The following ASIC2 variants were observed in gnomAD, a reference collection of about 807,000 sequenced individuals.
ASIC2 encodes acid sensing ion channel subunit 2.
Under a neutral mutation model 57.3 loss-of-function variants are expected in ASIC2, and 25 were observed. That is an observed-to-expected ratio of 0.44 (90% CI 0.32 to 0.61). ASIC2 has a LOEUF of 0.61. Ranked by LOEUF, ASIC2 falls within the 20% of genes least tolerant of loss-of-function variation. ASIC2 has a pLI of 0.06. For missense variants in ASIC2, 641 were observed against 738.1 expected, an observed-to-expected ratio of 0.87 and a Z score of 1.52; for synonymous variants, 319 against 307.5, an observed-to-expected ratio of 1.04 and a Z score of -0.39.
intron 1 of ASIC2, among the ~76,000 whole-genome samples, chr17:33,510,544 A>G (rs902812380): frequency 1.3e-5 from 2 of 152,016 alleles, no homozygotes; most frequent in African/African-American, 4.8e-5. Flanking sequence ...GGGTGGGAGG[A>G]TTGCCTGAGC....
intron 1 of ASIC2, among the ~76,000 whole-genome samples, chr17:34,102,510 C>A (rs887363877): frequency 4.6e-5 from 7 of 152,096 alleles, no homozygotes; most frequent in Non-Finnish European, 1.0e-4. Context: ...ATCATTTTGG[C>A]CTTCTCACCT....
intron 1 of ASIC2, among the ~76,000 whole-genome samples, chr17:33,661,951 C>T (rs1907281520): frequency 6.6e-6 from 1 of 152,194 alleles, no homozygotes; most frequent in Non-Finnish European, 1.5e-5. Flanking sequence ...CTCTGTCCCC[C>T]TCTACTCATC....
At chr17:33,102,706 A>T (rs578148120) in intron 2 of ASIC2, among the ~76,000 whole-genome samples, 2 of 151,786 alleles carry the variant, frequency 1.3e-5, no homozygotes, top group East Asian at 3.9e-4. Flanking sequence ...TTTTCGGGAG[A>T]TGTTCTCAGT....
chr17:34,090,288 T>C (rs998320743), intron 1 of ASIC2, among the ~76,000 whole-genome samples: 2 of 152,106 alleles, frequency 1.3e-5, no homozygotes, highest in Admixed American at 6.5e-5. Context: ...CAAATGCCTG[T>C]AGGAGAGAAC....
At chr17:33,044,874 C>T (rs941516786) in intron 3 of ASIC2, among the ~76,000 whole-genome samples, 1 of 152,004 alleles carries the variant, frequency 6.6e-6, no homozygotes, top group Admixed American at 6.6e-5. Flanking sequence ...GGGTGCCATC[C>T]GGAAAAGACT....
chr17:33,520,185 T>C (rs1306983786), intron 1 of ASIC2, among the ~76,000 whole-genome samples: 1 of 152,160 alleles, frequency 6.6e-6, no homozygotes, highest in East Asian at 1.9e-4. Flanking sequence ...AAATGCATTG[T>C]AGTCACAGGG....
At chr17:33,569,007 C>T (rs1373878539) in intron 1 of ASIC2, 2 of 152,186 alleles carry the variant, frequency 1.3e-5, no homozygotes, top group Non-Finnish European at 2.9e-5. Flanking sequence ...TATGTCTTCC[C>T]TTGAAGGTCA....
chr17:33,626,268 G>A (rs866876071), intron 1 of ASIC2, among the ~76,000 whole-genome samples: 9 of 152,304 alleles, frequency 5.9e-5, no homozygotes, highest in South Asian at 4.1e-4. Context: ...CTAGAACGTC[G>A]TGCAAAGATG....
chr17:33,986,883 G>A (rs369631794), intron 1 of ASIC2, among the ~76,000 whole-genome samples: 2 of 152,164 alleles, frequency 1.3e-5, no homozygotes, highest in East Asian at 3.8e-4. Context: ...ATGTGGCAAA[G>A]CTCACAAAAT....
intron 1 of ASIC2, among the ~76,000 whole-genome samples, chr17:33,384,403 G>A (rs1909600577): frequency 6.6e-6 from 1 of 152,204 alleles, no homozygotes; most frequent in Admixed American, 6.5e-5. Context: ...GAGCTGCCCT[G>A]TGATGCTAGG....
intron 4 of ASIC2, among the ~76,000 whole-genome samples, chr17:33,027,292 G>T (rs2091863278): frequency 6.6e-6 from 1 of 152,100 alleles, no homozygotes; most frequent in Non-Finnish European, 1.5e-5. Context: ...TTAGATTTGG[G>T]CCCACCTTTC....
intron 1 of ASIC2, among the ~76,000 whole-genome samples, chr17:33,471,034 G>A (rs895317939): frequency 6.6e-6 from 1 of 152,160 alleles, no homozygotes; most frequent in Non-Finnish European, 1.5e-5. Flanking sequence ...GCAAAGATAC[G>A]GTTTGGTCAC....
intron 1 of ASIC2, among the ~76,000 whole-genome samples, chr17:33,643,667 C>T (rs908453194): frequency 3.3e-5 from 5 of 152,216 alleles, no homozygotes; most frequent in Non-Finnish European, 5.9e-5. Flanking sequence ...CCCTTACTTA[C>T]TAATCATATA....
intron 1 of ASIC2, among the ~76,000 whole-genome samples, chr17:33,597,121 C>T (rs1384898949): frequency 1.3e-5 from 2 of 152,216 alleles, no homozygotes; most frequent in Non-Finnish European, 2.9e-5. Flanking sequence ...CAGAATCTTC[C>T]GTTGTCTCAG....
intron 1 of ASIC2, among the ~76,000 whole-genome samples, chr17:33,215,900 C>T (rs942260730): frequency 1.3e-5 from 2 of 152,064 alleles, no homozygotes; most frequent in African/African-American, 2.4e-5. Context: ...GGGGTTTCAC[C>T]GTGTTAGCCA....
At chr17:33,471,217 A>G (rs1913040403) in intron 1 of ASIC2, among the ~76,000 whole-genome samples, 1 of 152,090 alleles carries the variant, frequency 6.6e-6, no homozygotes, top group African/African-American at 2.4e-5. Flanking sequence ...GCAATTTGTG[A>G]TCGTTAGTGT....
intron 1 of ASIC2, among the ~76,000 whole-genome samples, chr17:33,498,612 G>A (rs1173620178): frequency 6.6e-6 from 1 of 152,026 alleles, no homozygotes; most frequent in Non-Finnish European, 1.5e-5. Context: ...AGCTGCTCGG[G>A]TGAAGACTCA....
chr17:33,829,843 G>A (rs985317337), intron 1 of ASIC2, among the ~76,000 whole-genome samples: 7 of 151,992 alleles, frequency 4.6e-5, no homozygotes, highest in Admixed American at 2.6e-4. Context: ...GATTACAGGC[G>A]TGAGCCACCG....
chr17:33,613,489 C>T lies in ASIC2; in HGVS notation c.556-501422G>A, dbSNP rs183609199. Among the ~76,000 whole-genome samples, 612 of 151,592 alleles carry T rather than the reference C, an allele frequency of 4.0e-3. 1 individual carries two copies. Among genetic ancestry groups the T allele is most frequent in the Middle Eastern group, 0.01 (3 of 292 alleles). ...ACACCATTCTCCTGCCTCAGCCTCA[C>T]GAGTAGCTGGGACTACAGGCACCCG... On this transcript the variant is annotated intron_variant, in intron 1 of 9. Transcript: ENST00000359872.
Sources: allele counts gnomAD v4.1 joint callset (sites outside exome capture counted in the v4.1 genomes callset), GRCh38; gene constraint gnomAD v4.1.1; transcripts MANE v1.5; gene names NCBI Gene and HGNC (gene_info 2026-07-23, HGNC 2026-07-21).